Variants in NCKAP1 observed in about 807,000 individuals in gnomAD.
NCKAP1 encodes the protein NCK associated protein 1.
NCKAP1 carries 21 observed loss-of-function variants against 151.2 expected under a neutral mutation model. That is an observed-to-expected ratio of 0.14 (90% CI 0.10 to 0.20). The LOEUF (loss-of-function observed/expected upper bound fraction) is 0.20. NCKAP1 is among the 10% of genes least tolerant of loss of function. The pLI is 1.00. For synonymous variants in NCKAP1, 484 were observed against 451.8 expected, an observed-to-expected ratio of 1.07 and a Z score of -0.90; for missense variants, 933 against 1,352.1, an observed-to-expected ratio of 0.69 and a Z score of 4.86.
At chr2:183,029,880 A>C (rs529652999) in intron 1 of NCKAP1, among the ~76,000 whole-genome samples, 1 of 152,174 alleles carries the variant, frequency 6.6e-6, no homozygotes, top group African/African-American at 2.4e-5. Context: ...ATCAAGATAC[A>C]AAAGATGTTG....
At chr2:182,994,690 G>A in intron 8 of NCKAP1, 149 bp downstream of exon 8, 1 of 653,178 alleles carries the variant, frequency 1.5e-6, no homozygotes, top group East Asian at 2.8e-5. Context: ...TATCTACTCT[G>A]ATAGGATCAA....
intron 23 of NCKAP1, among the ~76,000 whole-genome samples, chr2:182,946,584 G>A (rs926680101): frequency 1.3e-5 from 2 of 150,954 alleles, no homozygotes; most frequent in African/African-American, 4.9e-5. Context: ...ACCCCTGAAC[G>A]TAAAATAGAA....
At chr2:183,000,517 G>A (rs1300463238) in intron 6 of NCKAP1, among the ~76,000 whole-genome samples, 1 of 152,070 alleles carries the variant, frequency 6.6e-6, no homozygotes, top group Non-Finnish European at 1.5e-5. Context: ...AGTTCCGGGT[G>A]GGGAAAAACC....
intron 2 of NCKAP1, among the ~76,000 whole-genome samples, chr2:183,009,883 T>A (rs1698559494): frequency 1.3e-5 from 2 of 152,220 alleles, no homozygotes; most frequent in South Asian, 4.1e-4. Context: ...CAAGTTGCTA[T>A]ACAATGACAT....
chr2:182,956,518 T>C lies in NCKAP1; in HGVS notation c.2097A>G (p.Glu699=). 1.2e-6 allele frequency: 2 copies of C among 1,609,802 alleles called. No individual in the cohort carries two copies. Among genetic ancestry groups the C allele is most frequent in the South Asian group, 1.1e-5 (1 of 90,356 alleles). The change falls in exon 20 of 31, where the codon GAA becomes GAG. Residue 699 remains glutamate, a synonymous_variant. Transcript: ENST00000361354. ...AATATTCTCGTGGGGTAAAGGTATGTTCCCATACCACCATGTTTGGTACAT... is the reference window on the plus strand; with the variant it reads ...AATATTCTCGTGGGGTAAAGGTATGCTCCCATACCACCATGTTTGGTACAT... ...INYVPNMVVW[E]HTFTPREYLT... is the part of the protein sequence containing the mutation.
At chr2:182,962,392 G>A in intron 17 of NCKAP1, 114 bp from the exon 18 acceptor site, 1 of 989,814 alleles carries the variant, frequency 1.0e-6, no homozygotes, top group Non-Finnish European at 1.4e-6. Flanking sequence ...GCAATAGTGA[G>A]GGTGGGAGAT....
At chr2:182,961,695 G>T (rs539156536) in intron 18 of NCKAP1, among the ~76,000 whole-genome samples, 1 of 151,746 alleles carries the variant, frequency 6.6e-6, no homozygotes, top group Non-Finnish European at 1.5e-5. Context: ...TAACCTGCAC[G>T]TTGTGCACAT....
chr2:182,960,739 A>C (rs1360232029), intron 18 of NCKAP1, among the ~76,000 whole-genome samples: 2 of 152,236 alleles, frequency 1.3e-5, no homozygotes, highest in Non-Finnish European at 2.9e-5. Context: ...AATGGGATCT[A>C]ATTAAACTAA....
intron 13 of NCKAP1, 52 bp downstream of exon 13, chr2:182,981,192 T>A: frequency 6.4e-7 from 1 of 1,572,022 alleles, no homozygotes; most frequent in Non-Finnish European, 8.7e-7. Flanking sequence ...TAAAATACTA[T>A]CAAAGGTGGG....
At chr2:182,949,132 T>G (rs772697938) in intron 23 of NCKAP1, among the ~76,000 whole-genome samples, 2 of 152,198 alleles carry the variant, frequency 1.3e-5, no homozygotes, top group Non-Finnish European at 2.9e-5. Flanking sequence ...AATTACTACT[T>G]AGATACTAAA....
chr2:182,983,019 T>C, intron 11 of NCKAP1, 92 bp from the exon 12 acceptor site: 1 of 936,674 alleles, frequency 1.1e-6, no homozygotes, highest in Non-Finnish European at 1.6e-6. Context: ...TGGCAAGAAG[T>C]GATAATATCA....
intron 15 of NCKAP1, among the ~76,000 whole-genome samples, chr2:182,976,447 T>C (rs948118865): frequency 1.6e-4 from 25 of 152,224 alleles, no homozygotes; most frequent in Non-Finnish European, 3.5e-4. Context: ...ATGTATTGTC[T>C]ATAGGTGCTC....
intron 23 of NCKAP1, among the ~76,000 whole-genome samples, chr2:182,951,424 T>C (rs1159066885): frequency 6.6e-6 from 1 of 151,158 alleles, no homozygotes; most frequent in Non-Finnish European, 1.5e-5. Context: ...ATCCCAGCAC[T>C]TTGGGAGGCC....
intron 15 of NCKAP1, 123 bp downstream of exon 15, chr2:182,976,770 G>C: frequency 2.2e-6 from 1 of 463,328 alleles, no homozygotes; most frequent in Non-Finnish European, 3.6e-6. Flanking sequence ...TTTCTTTTAT[G>C]GTTAATTATA....
At chr2:182,926,985 C>T (rs998380329) in intron 29 of NCKAP1, 80 bp from the exon 30 acceptor site, 2 of 915,086 alleles carry the variant, frequency 2.2e-6, no homozygotes, top group Non-Finnish European at 3.4e-6. Flanking sequence ...GTTTCAACTT[C>T]CAACACATTT....
intron 13 of NCKAP1, among the ~76,000 whole-genome samples, chr2:182,979,462 TG>T (rs1697894348): frequency 6.6e-6 from 1 of 152,236 alleles, no homozygotes; most frequent in East Asian, 1.9e-4. Flanking sequence ...TTTGATAAAC[TG>T]TATTTAAAGT....
chr2:182,974,822 G>GA (rs893467382), intron 15 of NCKAP1, among the ~76,000 whole-genome samples: 122 of 150,304 alleles, frequency 8.1e-4, no homozygotes, highest in Non-Finnish European at 1.3e-3. Context: ...TAGATTACAT[G>GA]AAAAAAAAAT....
At chr2:182,949,954 G>A (rs552078063) in intron 23 of NCKAP1, among the ~76,000 whole-genome samples, 1 of 152,156 alleles carries the variant, frequency 6.6e-6, no homozygotes, top group Admixed American at 6.5e-5. Context: ...CTGCATGAGA[G>A]GTCACAATTA....
At chr2:182,930,856 AT>A in intron 26 of NCKAP1, 68 bp from the exon 27 acceptor site, 1 of 1,360,656 alleles carries the variant, frequency 7.3e-7, no homozygotes, top group Non-Finnish European at 1.0e-6. Flanking sequence ...CTCACTGTTT[AT>A]TAGAGTCTGC....
Sources: allele counts gnomAD v4.1 joint callset (sites outside exome capture counted in the v4.1 genomes callset), GRCh38; gene constraint gnomAD v4.1.1; transcripts MANE v1.5; gene names NCBI Gene and HGNC (gene_info 2026-07-23, HGNC 2026-07-21).